The following SLC35F4 variants were observed in gnomAD, a reference collection of about 807,000 sequenced individuals.
The protein encoded by SLC35F4 is solute carrier family 35 member F4, also known as chromosome 14 open reading frame 36.
In SLC35F4, 24 loss-of-function variants were observed where a neutral mutation model predicts 44.2. The ratio of observed to expected loss-of-function variants is 0.54; its 90% CI spans 0.39 to 0.76. The LOEUF (loss-of-function observed/expected upper bound fraction) is 0.76, where lower values mean the gene tolerates loss of function less well. Ranked by LOEUF, SLC35F4 falls within the 30% of genes least tolerant of loss-of-function variation. SLC35F4 has a pLI of 0.00. For synonymous variants in SLC35F4, 238 were observed against 223.6 expected (o/e 1.06, Z -0.57); for missense variants, 562 against 586.1 (o/e 0.96, Z 0.42).
chr14:57,967,782 G>A (rs1272447456), intron 1 of SLC35F4, among the ~76,000 whole-genome samples: 1 of 152,144 alleles, frequency 6.6e-6, no homozygotes, highest in Non-Finnish European at 1.5e-5. Flanking sequence ...GACCTAAATT[G>A]AGACAAGAAG....
At chr14:57,583,182 A>G (rs927540) in intron 3 of SLC35F4, among the ~76,000 whole-genome samples, 93,903 of 151,540 alleles carry the variant, frequency 0.62, 29,561 homozygotes, top group East Asian at 0.87. Context: ...AGTCTCTTTG[A>G]AGCCCCACAG....
chr14:57,788,907 G>A (rs1180692055), intron 1 of SLC35F4, among the ~76,000 whole-genome samples: 2 of 152,148 alleles, frequency 1.3e-5, no homozygotes, highest in African/African-American at 4.8e-5. Context: ...GCTCCTGAAT[G>A]ACTACTGGGT....
At chr14:57,671,180 G>A (rs2074509576) in intron 1 of SLC35F4, among the ~76,000 whole-genome samples, 1 of 152,002 alleles carries the variant, frequency 6.6e-6, no homozygotes, top group Non-Finnish European at 1.5e-5. Context: ...CCATCCTCCA[G>A]CACCTGTGAC....
chr14:57,629,982 G>A, intron 1 of SLC35F4: 1 of 526,106 alleles, frequency 1.9e-6, no homozygotes, highest in Non-Finnish European at 3.8e-6. Flanking sequence ...AAGATTTACA[G>A]TGTGAACTTG....
At chr14:57,782,479 G>A (rs540453386) in intron 1 of SLC35F4, among the ~76,000 whole-genome samples, 2 of 152,232 alleles carry the variant, frequency 1.3e-5, no homozygotes, top group South Asian at 4.1e-4. Context: ...AATATGCTAT[G>A]CAAAGTTAAA....
At chr14:57,862,827 T>C (rs762891743) in intron 1 of SLC35F4, among the ~76,000 whole-genome samples, 16 of 152,260 alleles carry the variant, frequency 1.1e-4, no homozygotes, top group Non-Finnish European at 2.1e-4. Flanking sequence ...TGAAACATAC[T>C]AAATAATTTA....
chr14:57,951,574 C>G (rs969835857), intron 1 of SLC35F4, among the ~76,000 whole-genome samples: 2 of 152,162 alleles, frequency 1.3e-5, no homozygotes, highest in African/African-American at 4.8e-5. Flanking sequence ...CTGGAGTCGA[C>G]CTGGTACATT....
intron 1 of SLC35F4, among the ~76,000 whole-genome samples, chr14:57,981,166 T>C (rs1229380109): frequency 1.3e-5 from 2 of 152,220 alleles, no homozygotes; most frequent in Non-Finnish European, 2.9e-5. Flanking sequence ...AAAATGTCGC[T>C]GGTTTCTGGT....
chr14:57,751,629 A>C (rs892303550), intron 1 of SLC35F4, among the ~76,000 whole-genome samples: 41 of 152,272 alleles, frequency 2.7e-4, no homozygotes, highest in African/African-American at 9.4e-4. Context: ...TTAATATTTG[A>C]TTAAGGCTCC....
At chr14:57,750,035 A>G (rs1033548046) in intron 1 of SLC35F4, among the ~76,000 whole-genome samples, 41 of 151,536 alleles carry the variant, frequency 2.7e-4, no homozygotes, top group Admixed American at 2.2e-3. Flanking sequence ...CTCATCATCC[A>G]CCCCTCTCAT....
chr14:57,942,579 T>C (rs1477203638), intron 1 of SLC35F4, among the ~76,000 whole-genome samples: 3 of 152,208 alleles, frequency 2.0e-5, no homozygotes, highest in Non-Finnish European at 4.4e-5. Context: ...TTCAGTGACG[T>C]AGCATTTTCG....
At chr14:57,668,786 T>C (rs2074407716) in intron 1 of SLC35F4, among the ~76,000 whole-genome samples, 1 of 152,138 alleles carries the variant, frequency 6.6e-6, no homozygotes, top group Non-Finnish European at 1.5e-5. Flanking sequence ...TTTGTTCTTT[T>C]GGCTTAGGAT....
At chr14:57,825,982 T>C (rs1883710603) in intron 1 of SLC35F4, among the ~76,000 whole-genome samples, 2 of 152,142 alleles carry the variant, frequency 1.3e-5, no homozygotes, top group Admixed American at 6.5e-5. Flanking sequence ...TAAAGTACCA[T>C]TGACATTCTT....
intron 1 of SLC35F4, among the ~76,000 whole-genome samples, chr14:57,662,860 G>T (rs1302607608): frequency 6.6e-6 from 1 of 152,082 alleles, no homozygotes; most frequent in Non-Finnish European, 1.5e-5. Context: ...GTACTTATTT[G>T]CTGGTTGGGA....
At chr14:57,870,040 T>G (rs1476728025), upstream of SLC35F4, among the ~76,000 whole-genome samples, 2 of 152,142 alleles carry the variant, frequency 1.3e-5, no homozygotes, top group African/African-American at 2.4e-5. Flanking sequence ...GAGGCTCAAC[T>G]CTTTGGAAAG....
At chr14:57,760,886 A>G (rs1437828810) in intron 1 of SLC35F4, among the ~76,000 whole-genome samples, 3 of 152,098 alleles carry the variant, frequency 2.0e-5, no homozygotes, top group Non-Finnish European at 4.4e-5. Context: ...AATCATCAAT[A>G]CTTTTTGAAT....
chr14:57,610,641 G>T (rs1029030984), intron 1 of SLC35F4, among the ~76,000 whole-genome samples: 4 of 152,112 alleles, frequency 2.6e-5, no homozygotes, highest in Admixed American at 2.6e-4. Flanking sequence ...TGTTGTAGGA[G>T]CATGGAAGAC....
At chr14:57,719,294 G>C (rs776563184) in intron 1 of SLC35F4, among the ~76,000 whole-genome samples, 2 of 151,962 alleles carry the variant, frequency 1.3e-5, no homozygotes, top group Non-Finnish European at 2.9e-5. Context: ...TGTTATCTTT[G>C]GCTATTATGG....
At chr14:57,785,284 C>A (rs558861163) in intron 1 of SLC35F4, among the ~76,000 whole-genome samples, 3 of 152,334 alleles carry the variant, frequency 2.0e-5, no homozygotes, top group East Asian at 1.9e-4. Context: ...TGGTATCACA[C>A]TGACTCTTGG....
Sources: allele counts gnomAD v4.1 joint callset (sites outside exome capture counted in the v4.1 genomes callset), GRCh38; gene constraint gnomAD v4.1.1; transcripts MANE v1.5; gene names NCBI Gene and HGNC (gene_info 2026-07-23, HGNC 2026-07-21).